Variants in NPHP4 observed in about 807,000 individuals in gnomAD.
NPHP4 encodes nephrocystin-4.
In NPHP4, 151 loss-of-function variants were observed where a neutral mutation model predicts 155.8. That is an observed-to-expected ratio of 0.97 (90% CI 0.85 to 1.11). The LOEUF (loss-of-function observed/expected upper bound fraction) is 1.11, where lower values mean the gene tolerates loss of function less well. Ranked by LOEUF, NPHP4 falls within the 50% of genes least tolerant of loss-of-function variation. The pLI, the probability that NPHP4 is intolerant of heterozygous loss-of-function variation, is 0.00. For synonymous variants in NPHP4, 845 were observed against 816.8 expected (o/e 1.03, Z -0.59); for missense variants, 1,956 against 1,925.7 (o/e 1.02, Z -0.29).
At chr1:5,940,757 T>G (rs1361921411) in intron 9 of NPHP4, among the ~76,000 whole-genome samples, 1 of 152,114 alleles carries the variant, frequency 6.6e-6, no homozygotes, top group Non-Finnish European at 1.5e-5. Flanking sequence ...AAATCTACAT[T>G]TTAAAACCAT....
At chr1:5,874,068 C>T (rs926033601) in intron 22 of NPHP4, among the ~76,000 whole-genome samples, 5 of 152,146 alleles carry the variant, frequency 3.3e-5, no homozygotes, top group African/African-American at 7.2e-5. Flanking sequence ...GCTCCCTGCA[C>T]GCATGCTCCC....
At chr1:5,987,327 T>C (rs945659131) in intron 1 of NPHP4, among the ~76,000 whole-genome samples, 9 of 152,128 alleles carry the variant, frequency 5.9e-5, no homozygotes, top group Admixed American at 5.2e-4. Context: ...GAAAAAGAAG[T>C]GGGTTTGGCC....
chr1:5,936,343 C>T (rs966368795), intron 9 of NPHP4, among the ~76,000 whole-genome samples: 2 of 152,178 alleles, frequency 1.3e-5, no homozygotes, highest in Admixed American at 6.5e-5. Context: ...ACAGAGGGAC[C>T]GGCAGACAGG....
intron 9 of NPHP4, among the ~76,000 whole-genome samples, chr1:5,942,891 GC>G (rs567751612): frequency 1.3e-3 from 198 of 152,298 alleles, no homozygotes; most frequent in African/African-American, 4.4e-3. Context: ...TCAGGAGGAT[GC>G]CCGCTTATTC....
At chr1:5,904,929 C>A in intron 15 of NPHP4, 125 bp from the exon 16 acceptor site, 1 of 974,114 alleles carries the variant, frequency 1.0e-6, no homozygotes, top group Non-Finnish European at 1.6e-6. Context: ...AAGAGGCTGC[C>A]GTGGTCACCA....
chr1:5,921,085 T>C (rs1490001405), intron 11 of NPHP4, among the ~76,000 whole-genome samples: 1 of 152,270 alleles, frequency 6.6e-6, no homozygotes, highest in Non-Finnish European at 1.5e-5. Context: ...TATGCATTCA[T>C]AAGCAATACA....
At chr1:5,868,890 A>C (rs1168583179) in intron 23 of NPHP4, among the ~76,000 whole-genome samples, 3 of 142,444 alleles carry the variant, frequency 2.1e-5, no homozygotes, top group Admixed American at 7.0e-5. Context: ...ACGCACACAT[A>C]TGCACGCCCA....
At position 5,876,714 on chromosome 1, in the gene NPHP4, A is replaced by C. The variant is rs1203349201; in HGVS notation, c.2817+379T>G. ...ATTTAGATTTTCAGCCAAAAAGGGGAATTTTTCTAGCCAGAATGATTACAT... is the reference window on the plus strand; with the variant it reads ...ATTTAGATTTTCAGCCAAAAAGGGGCATTTTTCTAGCCAGAATGATTACAT... On this transcript the variant is annotated intron_variant, in intron 20 of 29. Coordinates refer to ENST00000378156, the MANE Select transcript of NPHP4 (RefSeq NM_015102.5). Among the ~76,000 whole-genome samples, 3 of 152,170 alleles carry C rather than the reference A, an allele frequency of 2.0e-5. No homozygotes were observed. In the East Asian group the frequency reaches 5.8e-4, roughly 29 times the overall value.
chr1:5,875,182 G>A (rs1047094599), intron 20 of NPHP4, 82 bp from the exon 21 acceptor site: 23 of 1,032,716 alleles, frequency 2.2e-5, no homozygotes, highest in East Asian at 1.0e-4. Context: ...CCCACCACCC[G>A]CGATCTCAGA....
intron 16 of NPHP4, among the ~76,000 whole-genome samples, chr1:5,901,890 T>C (rs887857719): frequency 1.7e-4 from 26 of 152,100 alleles, no homozygotes; most frequent in African/African-American, 5.8e-4. Context: ...AAAGGAAAGG[T>C]GGTTGGCTTA....
In NPHP4 at chr1:5,875,184, G is replaced by A. The variant is rs765624590; in HGVS notation, c.2818-84C>T. 30 of 996,582 alleles carry A rather than the reference G, an allele frequency of 3.0e-5. 1 individual carries two copies. The highest frequency in any genetic ancestry group is 9.5e-5 in the African/African-American group (6 of 62,832). 61.7% of individuals were successfully genotyped at this position (996,582 alleles called of 1,614,324 possible). On this transcript the variant is annotated intron_variant, in intron 20 of 29. Transcript: ENST00000378156. ...CTATTGCTGGCTGCCCACCACCCGC[G>A]ATCTCAGAAGAGGACATTTCTCCAC...
At chr1:5,904,037 T>A (rs1445135884) in intron 16 of NPHP4, among the ~76,000 whole-genome samples, 5 of 152,218 alleles carry the variant, frequency 3.3e-5, no homozygotes, top group Admixed American at 6.5e-5. Context: ...CACCTTTATG[T>A]TACCACCAGG....
rs528206446 is a variant in NPHP4 at position 5,961,544 on chromosome 1, G to A, written c.673+250C>T. Among the ~76,000 whole-genome samples the A allele has an allele frequency of 2.0e-5, 3 of 152,290 alleles. No individual in the cohort carries two copies. The South Asian group carries it at 6.2e-4, about 32-fold the overall frequency. Reference sequence around the variant, plus strand: ...GACTTGAACTCTGTCTCTCACGAAAGCATTTTCCCAACCAAAGCAGCCAGA... The same window carrying A: ...GACTTGAACTCTGTCTCTCACGAAAACATTTTCCCAACCAAAGCAGCCAGA... On this transcript the variant is annotated intron_variant, in intron 6 of 29. Coordinates refer to ENST00000378156, the MANE Select transcript of NPHP4 (RefSeq NM_015102.5).
At chr1:5,912,379 A>C (rs971151160) in intron 11 of NPHP4, among the ~76,000 whole-genome samples, 2 of 152,232 alleles carry the variant, frequency 1.3e-5, no homozygotes, top group Non-Finnish European at 2.9e-5. Flanking sequence ...TCTACTAAAA[A>C]TACAAAAAAT....
intron 11 of NPHP4, among the ~76,000 whole-genome samples, chr1:5,924,853 G>A (rs554304976): frequency 6.6e-6 from 1 of 152,170 alleles, no homozygotes; most frequent in South Asian, 2.1e-4. Context: ...ATGGGGTCTT[G>A]CTATGTTGCC....
chr1:5,906,420 C>G (rs1381403590), intron 13 of NPHP4, among the ~76,000 whole-genome samples: 2 of 152,228 alleles, frequency 1.3e-5, no homozygotes, highest in Non-Finnish European at 2.9e-5. Flanking sequence ...CCAGAGGAAA[C>G]CAGGTCACCC....
chr1:5,927,377 A>G (rs943950022), intron 11 of NPHP4, among the ~76,000 whole-genome samples: 2 of 152,164 alleles, frequency 1.3e-5, no homozygotes, highest in African/African-American at 4.8e-5. Flanking sequence ...CATCCATGTG[A>G]CGTGTCCTTT....
At chr1:5,906,524 C>T (rs1456688508) in intron 13 of NPHP4, among the ~76,000 whole-genome samples, 2 of 152,268 alleles carry the variant, frequency 1.3e-5, no homozygotes, top group Non-Finnish European at 2.9e-5. Context: ...GCAGCAGAGA[C>T]TCATGGTGCT....
At chr1:5,979,400 GAGA>G (rs918121629) in intron 2 of NPHP4, among the ~76,000 whole-genome samples, 1 of 152,252 alleles carries the variant, frequency 6.6e-6, no homozygotes. Flanking sequence ...AGGGGGGCAT[GAGA>G]AGAACCACAG....
Sources: gnomAD v4.1 joint callset for allele counts (sites outside exome capture counted in the v4.1 genomes callset) on GRCh38, gnomAD v4.1.1 for gene constraint, MANE v1.5 for transcripts, NCBI Gene and HGNC (gene_info 2026-07-23, HGNC 2026-07-21) for gene names.